Variants in SCFD2 observed in about 807,000 individuals in gnomAD.
SCFD2 encodes the protein sec1 family domain containing 2, also known as sec1 family domain-containing protein 2.
In SCFD2, 54 loss-of-function variants were observed where a neutral mutation model predicts 58.9. The ratio of observed to expected loss-of-function variants is 0.92; its 90% CI spans 0.74 to 1.15. The LOEUF is 1.15. SCFD2 is among the 50% of genes most tolerant of loss of function. SCFD2 has a pLI of 0.00. For synonymous variants in SCFD2, 321 were observed against 335.9 expected (o/e 0.96, Z 0.49); for missense variants, 805 against 836.6 (o/e 0.96, Z 0.47).
chr4:53,235,167 C>A (rs1729558580), intron 4 of SCFD2, among the ~76,000 whole-genome samples: 1 of 152,222 alleles, frequency 6.6e-6, no homozygotes. Context: ...TCTCATTTGC[C>A]AGAACCTGGT....
intron 4 of SCFD2, among the ~76,000 whole-genome samples, chr4:53,224,686 C>A (rs1377112605): frequency 2.0e-5 from 3 of 152,290 alleles, no homozygotes; most frequent in Non-Finnish European, 4.4e-5. Context: ...TCCTCCCCCA[C>A]AAACTGTGAG....
rs184133572 is a variant in SCFD2, at chr4:53,147,687, G to A, written c.1312-2105C>T. 7.9e-3 allele frequency among the ~76,000 whole-genome samples: 1,207 copies of A among 152,310 alleles called. 6 individuals are homozygous for A. Among genetic ancestry groups the A allele is most frequent in the Non-Finnish European group, 0.012 (800 of 68,016 alleles). On this transcript the variant is annotated intron_variant, in intron 4 of 8. Coordinates refer to ENST00000401642, the MANE Select transcript of SCFD2 (RefSeq NM_152540.4). ...CTTCAGGAGTCTCTCTAGAGCAGGG[G>A]TGTCCAATCTTTTGGCTTCCCTAGG...
chr4:53,341,797 A>G (rs1007367228), intron 2 of SCFD2, among the ~76,000 whole-genome samples: 21 of 152,372 alleles, frequency 1.4e-4, no homozygotes, highest in African/African-American at 4.3e-4. Context: ...AGTAGGGGCC[A>G]ATATTCAACA....
intron 5 of SCFD2, among the ~76,000 whole-genome samples, chr4:52,978,052 T>C (rs1047665649): frequency 1.3e-5 from 2 of 152,246 alleles, no homozygotes; most frequent in African/African-American, 4.8e-5. Context: ...TTTTGTTCAC[T>C]GCTGTATCTC....
At chr4:53,181,342 T>C (rs2148948374) in intron 4 of SCFD2, among the ~76,000 whole-genome samples, 1 of 152,336 alleles carries the variant, frequency 6.6e-6, no homozygotes, top group South Asian at 2.1e-4. Flanking sequence ...GATGCAAGGC[T>C]GGTTCAACAT....
intron 4 of SCFD2, among the ~76,000 whole-genome samples, chr4:53,189,930 C>G (rs1727845380): frequency 6.6e-6 from 1 of 152,108 alleles, no homozygotes; most frequent in Non-Finnish European, 1.5e-5. Context: ...TAAATTTTTG[C>G]TGAAAAATGA....
chr4:53,237,711 G>A (rs1372617434), intron 4 of SCFD2, among the ~76,000 whole-genome samples: 1 of 121,372 alleles, frequency 8.2e-6, no homozygotes, highest in Non-Finnish European at 1.7e-5. Flanking sequence ...CTTCCCAGTA[G>A]GGGCGGCCAG....
intron 5 of SCFD2, among the ~76,000 whole-genome samples, chr4:52,963,191 T>C (rs964457597): frequency 2.0e-5 from 3 of 152,216 alleles, no homozygotes; most frequent in African/African-American, 7.2e-5. Flanking sequence ...AAAAACTGTA[T>C]CTTCCCAAGT....
chr4:53,327,012 A>C (rs1286106182), intron 2 of SCFD2, among the ~76,000 whole-genome samples: 1 of 151,822 alleles, frequency 6.6e-6, no homozygotes, highest in Non-Finnish European at 1.5e-5. Flanking sequence ...AAGAAAAAAA[A>C]AAACAACAAC....
At chr4:52,879,221 G>A (rs1718548278) in intron 8 of SCFD2, among the ~76,000 whole-genome samples, 1 of 152,144 alleles carries the variant, frequency 6.6e-6, no homozygotes, top group South Asian at 2.1e-4. Context: ...CTCAGAGCTT[G>A]GCCCAGCCAC....
At chr4:53,207,255 G>C (rs1728434233) in intron 4 of SCFD2, among the ~76,000 whole-genome samples, 1 of 149,990 alleles carries the variant, frequency 6.7e-6, no homozygotes, top group South Asian at 2.1e-4. Context: ...TGAACTTTTG[G>C]GGGACACATT....
chr4:53,340,074 T>C (rs1332859736), intron 2 of SCFD2, among the ~76,000 whole-genome samples: 1 of 152,086 alleles, frequency 6.6e-6, no homozygotes, highest in Non-Finnish European at 1.5e-5. Context: ...CATTTCCAAC[T>C]GAGGTACCGG....
intron 5 of SCFD2, among the ~76,000 whole-genome samples, chr4:53,037,587 A>G (rs1007576528): frequency 2.6e-5 from 4 of 152,134 alleles, no homozygotes; most frequent in Admixed American, 1.3e-4. Flanking sequence ...TTCTGAGTAC[A>G]TTATAGAAGC....
chr4:52,996,294 C>T (rs1560505146), intron 5 of SCFD2, among the ~76,000 whole-genome samples: 2 of 152,014 alleles, frequency 1.3e-5, no homozygotes, highest in East Asian at 1.9e-4. Flanking sequence ...GAGGTCTTGG[C>T]GACTGTAATG....
chr4:52,968,537 G>A (rs116411850), intron 5 of SCFD2, among the ~76,000 whole-genome samples: 3,741 of 152,256 alleles, frequency 0.025, 69 homozygotes, highest in Admixed American at 0.056. Context: ...TTATGTAGCC[G>A]TGGTTGGCTG....
At chr4:53,263,776 T>C (rs1274714245) in intron 4 of SCFD2, among the ~76,000 whole-genome samples, 1 of 152,182 alleles carries the variant, frequency 6.6e-6, no homozygotes, top group East Asian at 1.9e-4. Flanking sequence ...GCTGCAGTAC[T>C]ATAGGAGGAT....
chr4:53,063,269 T>C (rs752909938), intron 5 of SCFD2, among the ~76,000 whole-genome samples: 22 of 152,172 alleles, frequency 1.4e-4, no homozygotes, highest in Non-Finnish European at 2.4e-4. Context: ...CCTTTCAACA[T>C]GTAAAACTGG....
chr4:52,995,195 C>G (rs191712619), intron 5 of SCFD2, among the ~76,000 whole-genome samples: 20 of 152,232 alleles, frequency 1.3e-4, no homozygotes, highest in Admixed American at 1.2e-3. Flanking sequence ...ACTAGATGGT[C>G]CCATCTGGGA....
intron 3 of SCFD2, among the ~76,000 whole-genome samples, chr4:53,275,233 C>T (rs1731293421): frequency 6.6e-6 from 1 of 152,170 alleles, no homozygotes; most frequent in Non-Finnish European, 1.5e-5. Flanking sequence ...AAAGACCTTG[C>T]CACATGAAAC....
Sources: gnomAD v4.1 joint callset for allele counts (sites outside exome capture counted in the v4.1 genomes callset) on GRCh38, gnomAD v4.1.1 for gene constraint, MANE v1.5 for transcripts, NCBI Gene and HGNC (gene_info 2026-07-23, HGNC 2026-07-21) for gene names.